The following RUFY4 variants were observed in gnomAD, a reference collection of about 807,000 sequenced individuals.
The protein encoded by RUFY4 is RUN and FYVE domain-containing protein 4.
RUFY4 carries 73 observed loss-of-function variants against 69.0 expected under a neutral mutation model. That is an observed-to-expected ratio of 1.06 (90% CI 0.88 to 1.29). The LOEUF is 1.29. RUFY4 is among the 50% of genes most tolerant of loss of function. The probability of loss-of-function intolerance (pLI) is 0.00; values close to 1 mark genes in which losing one functional copy is unlikely to be tolerated. For synonymous variants in RUFY4, 287 were observed against 271.8 expected (o/e 1.06, Z -0.55); for missense variants, 770 against 705.6 (o/e 1.09, Z -1.03).
chr2:218,073,134 T>A, intron 4 of RUFY4, 109 bp from the exon 7 acceptor site: 1 of 1,332,038 alleles, frequency 7.5e-7, no homozygotes, highest in Admixed American at 2.2e-5. Context: ...CTCATGACGG[T>A]GTGTAGTGGA....
chr2:218,088,975 C>T (rs1327229851), intron 9 of RUFY4, among the ~76,000 whole-genome samples: 1 of 151,876 alleles, frequency 6.6e-6, no homozygotes, highest in Non-Finnish European at 1.5e-5. Context: ...ACCCCTCTCT[C>T]TCTCTCTGAG....
exon 6 of RUFY4, chr2:218,073,848 G>A: frequency 6.2e-7 from 1 of 1,613,950 alleles, no homozygotes; most frequent in Non-Finnish European, 8.5e-7. Flanking sequence ...CAAACCCAGG[G>A]AAGGAGACCC....
At chr2:218,084,983 G>A (rs1327314558) in intron 9 of RUFY4, among the ~76,000 whole-genome samples, 1 of 152,168 alleles carries the variant, frequency 6.6e-6, no homozygotes, top group Non-Finnish European at 1.5e-5. Flanking sequence ...AGGAGGCGGA[G>A]GTTGCAGTGA....
intron 2 of RUFY4, among the ~76,000 whole-genome samples, chr2:218,056,700 C>G (rs1450944673): frequency 6.6e-6 from 1 of 152,198 alleles, no homozygotes; most frequent in African/African-American, 2.4e-5. Context: ...CACAAAGGGC[C>G]TGACCAGGGA....
At chr2:218,060,312 C>T in intron 3 of RUFY4, 1 of 1,509,428 alleles carries the variant, frequency 6.6e-7, no homozygotes, top group Non-Finnish European at 8.9e-7. Context: ...GGAGGAACCC[C>T]ACGGGACTGC....
chr2:218,089,185 C>A, intron 9 of RUFY4, 67 bp from the exon 12 acceptor site: 1 of 1,287,850 alleles, frequency 7.8e-7, no homozygotes, highest in Non-Finnish European at 1.1e-6. Flanking sequence ...CTGTCTGGGT[C>A]TTTTCCCATT....
chr2:218,078,497 G>A (rs1689686802), intron 8 of RUFY4, among the ~76,000 whole-genome samples: 1 of 152,208 alleles, frequency 6.6e-6, no homozygotes, highest in Non-Finnish European at 1.5e-5. Context: ...AAAAGGTCAG[G>A]TGAGCCAAGG....
At chr2:218,077,928 G>T (rs1422111096) in intron 8 of RUFY4, among the ~76,000 whole-genome samples, 1 of 152,174 alleles carries the variant, frequency 6.6e-6, no homozygotes, top group East Asian at 1.9e-4. Flanking sequence ...GGAGCAGCTG[G>T]GAGGTTATAG....
chr2:218,036,999 C>T (rs1175144724), intron 2 of RUFY4, among the ~76,000 whole-genome samples: 2 of 152,138 alleles, frequency 1.3e-5, no homozygotes, highest in African/African-American at 4.8e-5. Flanking sequence ...TAGAAGGAAT[C>T]AAGATCCAGT....
At chr2:218,055,778 C>A (rs897616258) in intron 2 of RUFY4, among the ~76,000 whole-genome samples, 1 of 152,156 alleles carries the variant, frequency 6.6e-6, no homozygotes, top group Non-Finnish European at 1.5e-5. Flanking sequence ...ACCAACCATC[C>A]CCGCCACAGT....
intron 8 of RUFY4, among the ~76,000 whole-genome samples, chr2:218,081,587 T>A (rs886141095): frequency 1.3e-5 from 2 of 152,202 alleles, no homozygotes; most frequent in Non-Finnish European, 2.9e-5. Flanking sequence ...AGGTGCTAAG[T>A]AAGTGTTCTC....
chr2:218,068,055 G>GCAGACACCTTATCCAGAA (rs145838712), upstream of RUFY4, among the ~76,000 whole-genome samples: 43,537 of 151,518 alleles, frequency 0.29, 6,686 homozygotes, highest in South Asian at 0.39. Flanking sequence ...TGGTTCCCTG[G>GCAGACACCTTATCCAGAA]CAGACACCTG....
chr2:218,065,137 A>G (rs200422513), upstream of RUFY4, among the ~76,000 whole-genome samples: 2 of 151,332 alleles, frequency 1.3e-5, no homozygotes, highest in East Asian at 3.9e-4. Context: ...ACGTCCTCCC[A>G]CTCCTTCCCA....
upstream of RUFY4, chr2:218,068,814 C>T (rs55665413): frequency 0.02 from 3,056 of 152,612 alleles, 54 homozygotes; most frequent in East Asian, 0.1. Flanking sequence ...TCAGGTGGAC[C>T]GCTCAGCTGA....
At chr2:218,078,449 C>T (rs554430448) in intron 8 of RUFY4, among the ~76,000 whole-genome samples, 7 of 152,052 alleles carry the variant, frequency 4.6e-5, no homozygotes, top group Non-Finnish European at 1.0e-4. Context: ...AGGAGGCCTT[C>T]CGGGCCCCAG....
intron 10 of RUFY4, 96 bp downstream of exon 12, chr2:218,089,458 C>A: frequency 1.9e-6 from 2 of 1,044,318 alleles, no homozygotes; most frequent in Non-Finnish European, 2.8e-6. Flanking sequence ...GACACAGGAA[C>A]TGGGTGTTTA....
intron 8 of RUFY4, among the ~76,000 whole-genome samples, chr2:218,077,596 C>T (rs905214812): frequency 1.3e-5 from 2 of 152,176 alleles, no homozygotes; most frequent in Non-Finnish European, 2.9e-5. Context: ...TCTCCGGGTA[C>T]GTCAGTCTGC....
intron 7 of RUFY4, 71 bp downstream of exon 9, chr2:218,075,811 A>G: frequency 2.2e-6 from 3 of 1,339,492 alleles, no homozygotes; most frequent in African/African-American, 1.5e-5. Context: ...AGGGTCTGCA[A>G]TGGTAGCCTG....
intron 8 of RUFY4, among the ~76,000 whole-genome samples, chr2:218,082,695 C>T (rs995800252): frequency 2.0e-5 from 3 of 150,714 alleles, no homozygotes; most frequent in Admixed American, 6.6e-5. Context: ...GTGTGTTGTG[C>T]AAGTGTGTGT....
Sources: allele counts gnomAD v4.1 joint callset (sites outside exome capture counted in the v4.1 genomes callset), GRCh38; gene constraint gnomAD v4.1.1; transcripts MANE v1.5; gene names NCBI Gene and HGNC (gene_info 2026-07-23, HGNC 2026-07-21).